GRM8: variants seen among roughly 807,000 people sequenced by gnomAD.
The protein encoded by GRM8 is metabotropic glutamate receptor 8.
Under a neutral mutation model 87.2 loss-of-function variants are expected in GRM8, and 47 were observed. The observed-to-expected ratio is 0.54, with a 90% CI of 0.43 to 0.69. The LOEUF is 0.69. Among genes scored for constraint, GRM8 ranks in the 30% least tolerant of loss-of-function variants. The pLI is 0.00. For missense variants in GRM8, 1,019 were observed against 1,139.2 expected (o/e 0.89, Z 1.52); for synonymous variants, 396 against 404.5 (o/e 0.98, Z 0.25).
intron 6 of GRM8, among the ~76,000 whole-genome samples, chr7:126,836,448 T>C (rs1795835349): frequency 6.6e-6 from 1 of 152,182 alleles, no homozygotes; most frequent in Admixed American, 6.5e-5. Flanking sequence ...TTAAAAGAAA[T>C]TCAAATTCCA....
At chr7:127,173,686 G>T (rs189279986) in intron 2 of GRM8, among the ~76,000 whole-genome samples, 1 of 152,124 alleles carries the variant, frequency 6.6e-6, no homozygotes, top group African/African-American at 2.4e-5. Context: ...TTCCTGGAGC[G>T]ATATGGGGTG....
chr7:126,782,970 C>G (rs1412185607), intron 6 of GRM8, among the ~76,000 whole-genome samples: 1 of 152,090 alleles, frequency 6.6e-6, no homozygotes, highest in African/African-American at 2.4e-5. Flanking sequence ...GGACAGGGAC[C>G]AGACAAGATG....
intron 3 of GRM8, among the ~76,000 whole-genome samples, chr7:127,022,460 C>T (rs1816370400): frequency 6.6e-6 from 1 of 151,978 alleles, no homozygotes; most frequent in Non-Finnish European, 1.5e-5. Context: ...ACCCAAAGCA[C>T]CACAGACCAC....
At chr7:126,919,846 T>C (rs1266963266) in intron 3 of GRM8, among the ~76,000 whole-genome samples, 1 of 152,116 alleles carries the variant, frequency 6.6e-6, no homozygotes, top group East Asian at 1.9e-4. Flanking sequence ...CCCTTTCAAT[T>C]ACTTCCATCC....
intron 2 of GRM8, among the ~76,000 whole-genome samples, chr7:127,150,662 C>T (rs980063639): frequency 1.3e-5 from 2 of 152,132 alleles, no homozygotes; most frequent in African/African-American, 4.8e-5. Context: ...ACATCCCAAA[C>T]ACACCACTTA....
intron 3 of GRM8, among the ~76,000 whole-genome samples, chr7:126,941,278 A>C (rs1027177617): frequency 9.2e-5 from 14 of 152,130 alleles, no homozygotes; most frequent in Admixed American, 6.5e-4. Flanking sequence ...AAGCAAGAAA[A>C]TTAAATCCCT....
chr7:127,080,998 C>T (rs1019153108), intron 3 of GRM8: 2 of 152,170 alleles, frequency 1.3e-5, no homozygotes, highest in Non-Finnish European at 2.9e-5. Flanking sequence ...ATAAACAAAA[C>T]ATTCATCATT....
chr7:126,482,589 G>C (rs571355615), intron 9 of GRM8, among the ~76,000 whole-genome samples: 1 of 152,086 alleles, frequency 6.6e-6, no homozygotes, highest in South Asian at 2.1e-4. Flanking sequence ...GGTACCTAGA[G>C]TACTCAAAAT....
intron 7 of GRM8, among the ~76,000 whole-genome samples, chr7:126,752,112 CA>C (rs1343370544): frequency 1.3e-5 from 2 of 152,114 alleles, no homozygotes; most frequent in Non-Finnish European, 2.9e-5. Context: ...ATTTACTTTC[CA>C]TTAAAAGCTT....
In GRM8 at chr7:127,015,056, AAG is replaced by A. The variant is rs1205886507; in HGVS notation, c.727+91438_727+91439del. Among the ~76,000 whole-genome samples, 816 of 122,710 alleles carry A rather than the reference AAG, an allele frequency of 6.6e-3. 20 individuals are homozygous for A. Among genetic ancestry groups the A allele is most frequent in the Non-Finnish European group, 0.011 (586 of 54,212 alleles). The allele number at this position is 122,710 out of a possible 152,430, so 80.5% of individuals were successfully genotyped here. A position where few individuals can be genotyped will look rare whatever the true frequency, so the allele number is the denominator to read the frequency against. ...GAAGAAGAAGAAGAAGAAGAAGAAG[AAG>A]AAGAAGAAGAAAGAAAGAAGGAGAA... On this transcript the variant is annotated intron_variant, in intron 3 of 10. Transcript: ENST00000339582.
intron 3 of GRM8, among the ~76,000 whole-genome samples, chr7:127,101,152 C>G (rs373494570): frequency 2.6e-5 from 4 of 152,080 alleles, no homozygotes; most frequent in Admixed American, 2.6e-4. Flanking sequence ...CTCTGTGTCC[C>G]GTTACTAAAT....
intron 7 of GRM8, among the ~76,000 whole-genome samples, chr7:126,733,246 A>G (rs1251679555): frequency 6.6e-6 from 1 of 152,042 alleles, no homozygotes; most frequent in African/African-American, 2.4e-5. Context: ...ACATTTTAAC[A>G]CTAATTGATC....
At position 127,030,664 on chromosome 7, in the gene GRM8, G is replaced by A. The variant is rs1452341380; in HGVS notation, c.727+75832C>T. Among the ~76,000 whole-genome samples, 3 of 152,004 alleles carry A rather than the reference G, an allele frequency of 2.0e-5. No individual in the cohort carries two copies. In the East Asian group the frequency reaches 5.8e-4, roughly 29 times the overall value. On this transcript the variant is annotated intron_variant, in intron 3 of 10. Transcript: ENST00000339582. ...CTATTTGGAACACTTCTAAACCAGGGAATTAACTACATCCTAATGAAACCC... is the reference window on the plus strand; with the variant it reads ...CTATTTGGAACACTTCTAAACCAGGAAATTAACTACATCCTAATGAAACCC...
intron 3 of GRM8, among the ~76,000 whole-genome samples, chr7:126,909,654 GT>G (rs1445699183): frequency 6.6e-6 from 1 of 151,780 alleles, no homozygotes; most frequent in African/African-American, 2.4e-5. Flanking sequence ...TTTCCTTCTG[GT>G]TACTTAACAA....
intron 9 of GRM8, among the ~76,000 whole-genome samples, chr7:126,500,720 C>T (rs1195109676): frequency 6.6e-6 from 1 of 151,850 alleles, no homozygotes; most frequent in East Asian, 1.9e-4. Context: ...TAAGTGTGAC[C>T]AATTATTATA....
At chr7:126,967,987 A>T (rs766857204) in intron 3 of GRM8, among the ~76,000 whole-genome samples, 2 of 152,334 alleles carry the variant, frequency 1.3e-5, no homozygotes, top group Non-Finnish European at 2.9e-5. Context: ...GTGTGACTAC[A>T]TAAATATTCA....
Position 126,589,251 on chromosome 7 carries a change from A to G in GRM8, c.1494+20111T>C, listed in dbSNP as rs375124574. Among the ~76,000 whole-genome samples the G allele has an allele frequency of 3.3e-5, 5 of 152,220 alleles. No homozygotes were observed. In the East Asian group the frequency reaches 9.7e-4, roughly 30 times the overall value. Reference sequence around the variant, plus strand: ...GGCAAGTTCTTAGCCCTGCTTGCCCACTGCCTAAAAACAAACTCAGTGCTA... The same window carrying G: ...GGCAAGTTCTTAGCCCTGCTTGCCCGCTGCCTAAAAACAAACTCAGTGCTA... On this transcript the variant is annotated intron_variant, in intron 8 of 10. Coordinates refer to ENST00000339582, the MANE Select transcript of GRM8 (RefSeq NM_000845.3).
chr7:126,967,187 C>T (rs1198852849), intron 3 of GRM8, among the ~76,000 whole-genome samples: 1 of 151,722 alleles, frequency 6.6e-6, no homozygotes, highest in African/African-American at 2.4e-5. Context: ...GTGTGTACAC[C>T]TTTCTCCCTT....
intron 8 of GRM8, among the ~76,000 whole-genome samples, chr7:126,542,881 T>C (rs1278536513): frequency 6.6e-6 from 1 of 152,216 alleles, no homozygotes; most frequent in Non-Finnish European, 1.5e-5. Context: ...AGCAAGACTT[T>C]GTGAATTATG....
Sources: allele counts gnomAD v4.1 joint callset (sites outside exome capture counted in the v4.1 genomes callset), GRCh38; gene constraint gnomAD v4.1.1; transcripts MANE v1.5; gene names NCBI Gene and HGNC (gene_info 2026-07-23, HGNC 2026-07-21).